UNC80: variants seen among roughly 807,000 people sequenced by gnomAD.
UNC80 encodes the protein unc-80 subunit of NALCN channel complex.
Under a neutral mutation model 384.6 loss-of-function variants are expected in UNC80, and 164 were observed. That is an observed-to-expected ratio of 0.43 (90% CI 0.38 to 0.49). The LOEUF is 0.49. UNC80 is among the 20% of genes least tolerant of loss of function. UNC80 has a pLI of 0.00. For synonymous variants in UNC80, 1,486 were observed against 1,527.8 expected (o/e 0.97, Z 0.64); for missense variants, 3,330 against 4,143.0 (o/e 0.80, Z 5.39).
chr2:209,869,624 A>G (rs963062533), intron 22 of UNC80, among the ~76,000 whole-genome samples: 2 of 152,196 alleles, frequency 1.3e-5, no homozygotes, highest in Non-Finnish European at 2.9e-5. Flanking sequence ...AATAATGATT[A>G]TAATAAAAAG....
intron 36 of UNC80, among the ~76,000 whole-genome samples, chr2:209,927,530 C>T (rs555852765): frequency 6.6e-6 from 1 of 152,288 alleles, no homozygotes; most frequent in East Asian, 1.9e-4. Flanking sequence ...TATCAGCAGG[C>T]AATCCAATGG....
intron 37 of UNC80, among the ~76,000 whole-genome samples, 161 bp from the exon 38 acceptor site, chr2:209,930,807 G>A (rs2090799199): frequency 6.6e-6 from 1 of 152,110 alleles, no homozygotes; most frequent in Non-Finnish European, 1.5e-5. Context: ...TACTTAACAA[G>A]TATCACATAT....
chr2:209,839,723 C>T lies in UNC80; in HGVS notation c.3250+293C>T, dbSNP rs115157453. 2.3e-3 allele frequency among the ~76,000 whole-genome samples: 344 copies of T among 152,224 alleles called. 1 individual carries two copies. The highest frequency in any genetic ancestry group is 7.5e-3 in the African/African-American group (313 of 41,520). ...ATAGTAGGAGCCCCAGTCATTAAAGCGGATAATCATACAACTAAGTGTAAT... is the reference window on the plus strand; with the variant it reads ...ATAGTAGGAGCCCCAGTCATTAAAGTGGATAATCATACAACTAAGTGTAAT... On this transcript the variant is annotated intron_variant, in intron 19 of 64. Coordinates refer to ENST00000673920, the MANE Select transcript of UNC80 (RefSeq NM_001371986.1). The surrounding 1 kb of genome is among the most constrained non-coding windows in gnomAD (Gnocchi z 4.1).
intron 22 of UNC80, among the ~76,000 whole-genome samples, chr2:209,856,678 C>A (rs1476796865): frequency 6.6e-6 from 1 of 152,048 alleles, no homozygotes; most frequent in Non-Finnish European, 1.5e-5. Context: ...ATGCATTCTT[C>A]TCAGATGTGC....
At chr2:209,789,858 A>G (rs1434143641) in intron 6 of UNC80, among the ~76,000 whole-genome samples, 1 of 145,110 alleles carries the variant, frequency 6.9e-6, no homozygotes, top group Non-Finnish European at 1.5e-5. Flanking sequence ...GTTAGTGTGT[A>G]ATGAGTTGTG....
intron 13 of UNC80, among the ~76,000 whole-genome samples, chr2:209,821,616 A>G (rs1212870365): frequency 6.6e-6 from 1 of 152,096 alleles, no homozygotes; most frequent in Non-Finnish European, 1.5e-5. Flanking sequence ...GCACATCCCC[A>G]TGGCTTTAGT....
chr2:209,873,421 A>C (rs1200609554), intron 23 of UNC80, among the ~76,000 whole-genome samples: 2 of 152,114 alleles, frequency 1.3e-5, no homozygotes, highest in East Asian at 3.9e-4. Context: ...TTCTTAGTGA[A>C]ATTTTCTCTT....
At chr2:209,967,384 G>C in intron 51 of UNC80, 53 bp from the exon 52 acceptor site, 1 of 1,325,310 alleles carries the variant, frequency 7.5e-7, no homozygotes, top group Non-Finnish European at 9.9e-7. Context: ...AATTCCTGTT[G>C]TGTAATTCTA....
intron 25 of UNC80, among the ~76,000 whole-genome samples, chr2:209,881,901 A>G (rs1172829736): frequency 6.6e-6 from 1 of 151,916 alleles, no homozygotes; most frequent in Non-Finnish European, 1.5e-5. Context: ...CAATCGTTAC[A>G]TAAACAATCT....
chr2:209,808,868 T>C, intron 7 of UNC80: 1 of 285,508 alleles, frequency 3.5e-6, no homozygotes, highest in Non-Finnish European at 6.8e-6. Context: ...TACAGCAAAC[T>C]GCCGGACTCG....
At chr2:209,995,246 A>G in intron 64 of UNC80, 83 bp from the exon 65 acceptor site, 1 of 1,488,212 alleles carries the variant, frequency 6.7e-7, no homozygotes, top group Non-Finnish European at 9.0e-7. Context: ...TTTTCCAATT[A>G]CCACTAGACA....
chr2:209,957,905 T>C (rs987219965), intron 49 of UNC80, among the ~76,000 whole-genome samples, 169 bp downstream of exon 49: 2 of 152,212 alleles, frequency 1.3e-5, no homozygotes, highest in Non-Finnish European at 2.9e-5. Context: ...CCAAGGCTTC[T>C]TTTGAAATTG....
At chr2:209,809,033 T>C (rs960291310) in intron 7 of UNC80, 1 of 385,178 alleles carries the variant, frequency 2.6e-6, no homozygotes, top group Non-Finnish European at 4.9e-6. Flanking sequence ...CAAGAGAGTT[T>C]CAAGGCGGCA....
rs1266199673 is a variant in UNC80, at chr2:209,813,838, C to T, written c.1197C>T (p.Thr399=). 2 of 1,550,422 alleles carry T rather than the reference C, an allele frequency of 1.3e-6. No homozygotes were observed. The highest frequency in any genetic ancestry group is 1.7e-6 in the Non-Finnish European group (2 of 1,146,420). Residue 399 remains threonine (T), a synonymous_variant, in exon 8 of 65, where the codon ACC becomes ACT. Coordinates refer to ENST00000673920, the MANE Select transcript of UNC80 (RefSeq NM_001371986.1). ...AAPSLVNTHK[T]QDLTMKCNEE... is the part of the protein sequence containing the mutation. ...CCTCACTAGTGAACACCCACAAAACCCAAGTAAGAAAAACCCGGTTCATTG... is the reference window on the plus strand; with the variant it reads ...CCTCACTAGTGAACACCCACAAAACTCAAGTAAGAAAAACCCGGTTCATTG...
rs1318267330 is a variant in UNC80 at position 209,976,933 on chromosome 2, G to A, written c.8793G>A (p.Glu2931=). ...IQCKLLAQPA[E]NHEELSARQH... ...TTCAGCTGCTGGCCCAACCAGCAGA[G>A]AATCATGAAGAGCTTTCCGCCCGGC... The change falls in exon 58 of 65, where the codon GAG becomes GAA. Residue 2931 remains glutamate, a synonymous_variant. Transcript: ENST00000673920. The surrounding 1 kb of genome is among the most constrained non-coding windows in gnomAD (Gnocchi z 4.3). The A allele has an allele frequency of 6.6e-7, 1 of 1,519,936 alleles. No homozygotes were observed. The highest frequency in any genetic ancestry group is 8.9e-7 in the Non-Finnish European group (1 of 1,120,734). The allele number at this position is 1,519,936 out of a possible 1,614,324, so 94.2% of individuals were successfully genotyped here.
At chr2:209,904,220 C>G (rs1176148625) in intron 28 of UNC80, among the ~76,000 whole-genome samples, 1 of 152,178 alleles carries the variant, frequency 6.6e-6, no homozygotes, top group African/African-American at 2.4e-5. Context: ...AAAAATATCA[C>G]TTTGCAGAGA....
At chr2:209,959,432 A>C (rs902144933) in intron 50 of UNC80, 57 bp from the exon 51 acceptor site, 1 of 1,493,856 alleles carries the variant, frequency 6.7e-7, no homozygotes, top group African/African-American at 1.4e-5. Context: ...CCCTCTTCTC[A>C]CAGCTGCTAC....
chr2:209,936,675 T>A (rs750694118), intron 40 of UNC80, among the ~76,000 whole-genome samples, 169 bp from the exon 41 acceptor site: 22 of 151,340 alleles, frequency 1.5e-4, no homozygotes, highest in African/African-American at 5.4e-4. Context: ...TATACACATA[T>A]ACACACACAC....
chr2:209,777,815 A>G (rs2076949261), intron 4 of UNC80, among the ~76,000 whole-genome samples: 1 of 152,166 alleles, frequency 6.6e-6, no homozygotes, highest in South Asian at 2.1e-4. Flanking sequence ...TTAAGCATAG[A>G]ATAAAAGGTC....
Sources: gnomAD v4.1 joint callset for allele counts (sites outside exome capture counted in the v4.1 genomes callset) on GRCh38, gnomAD v4.1.1 for gene constraint, Gnocchi (gnomAD v3.1) non-coding constraint, MANE v1.5 for transcripts, NCBI Gene and HGNC (gene_info 2026-07-23, HGNC 2026-07-21) for gene names.